KLHL14: variants seen among roughly 807,000 people sequenced by gnomAD.
The protein encoded by KLHL14 is kelch-like protein 14.
A neutral mutation model predicts 64.3 loss-of-function variants in KLHL14; 22 were observed. That is an observed-to-expected ratio of 0.34 (90% confidence interval 0.24 to 0.49). The LOEUF (loss-of-function observed/expected upper bound fraction) is 0.49, where lower values mean the gene tolerates loss of function less well. Among genes scored for constraint, KLHL14 ranks in the 20% least tolerant of loss-of-function variants. KLHL14 has a pLI of 0.99. For missense variants in KLHL14, 661 were observed against 789.0 expected, an observed-to-expected ratio of 0.84 and a Z score of 1.94; for synonymous variants, 322 against 333.4, an observed-to-expected ratio of 0.97 and a Z score of 0.37.
chr18:32,690,940 A>G (rs1215943437), intron 4 of KLHL14, among the ~76,000 whole-genome samples: 1 of 152,138 alleles, frequency 6.6e-6, no homozygotes, highest in East Asian at 1.9e-4. Context: ...ACGAGGGGGA[A>G]AGGAAGACTC....
At chr18:32,685,322 G>C (rs2144472768) in intron 5 of KLHL14, among the ~76,000 whole-genome samples, 1 of 152,230 alleles carries the variant, frequency 6.6e-6, no homozygotes, top group South Asian at 2.1e-4. Flanking sequence ...CCCATCCTTA[G>C]GGGCTCTACA....
chr18:32,769,419 G>A (rs1263986583), intron 2 of KLHL14, among the ~76,000 whole-genome samples: 1 of 152,134 alleles, frequency 6.6e-6, no homozygotes, highest in East Asian at 1.9e-4. Flanking sequence ...TAGAACCTCG[G>A]CTTTGGAGCG....
chr18:32,722,644 G>C (rs962587802), intron 3 of KLHL14, among the ~76,000 whole-genome samples: 1 of 151,940 alleles, frequency 6.6e-6, no homozygotes, highest in Non-Finnish European at 1.5e-5. Flanking sequence ...AAAATCATGG[G>C]AGAGGAAAAA....
intron 2 of KLHL14, among the ~76,000 whole-genome samples, chr18:32,767,822 A>G (rs2050354725): frequency 6.6e-6 from 1 of 152,254 alleles, no homozygotes; most frequent in Admixed American, 6.5e-5. Context: ...TACTCTTAGA[A>G]TAAGTTAAAT....
At position 32,770,303 on chromosome 18, in the gene KLHL14, G is replaced by C. The variant is rs903251586; in HGVS notation, c.289C>G (p.Gln97Glu). ...CCGGGCTCCTCCTGCGGCGGCGGCTGCTGCTGCTGTGACGGCTGCTGCTGC... is the reference window on the plus strand; with the variant it reads ...CCGGGCTCCTCCTGCGGCGGCGGCTCCTGCTGCTGTGACGGCTGCTGCTGC... The part of the protein sequence containing the change: ...PPQQQPSQQQ[Q>E]PPPQEEPGTP... Residue 97 changes from glutamine to glutamate, a missense_variant, in exon 2 of 9, where the codon CAG (glutamine) becomes GAG (glutamate). Gln to Glu is a conservative substitution (Grantham distance 29). Around this residue, in one of 2 missense-constraint regions of KLHL14, gnomAD observed 331 missense variants for 339.0 expected, o/e 0.98. Transcript: ENST00000359358. The surrounding 1 kb of genome is among the most constrained non-coding windows in gnomAD (Gnocchi z 6.7). 1.1e-5 allele frequency: 18 copies of C among 1,586,616 alleles called. No individual in the cohort carries two copies. The highest frequency in any genetic ancestry group is 1.4e-5 in the Non-Finnish European group (16 of 1,166,332).
intron 3 of KLHL14, among the ~76,000 whole-genome samples, chr18:32,741,335 G>A (rs766823848): frequency 6.6e-6 from 1 of 152,140 alleles, no homozygotes; most frequent in Non-Finnish European, 1.5e-5. Flanking sequence ...AAACACAATC[G>A]CCCTTTAGGA....
chr18:32,741,897 G>A (rs776378669), intron 3 of KLHL14, 31 bp downstream of exon 3: 18 of 1,530,144 alleles, frequency 1.2e-5, no homozygotes, highest in African/African-American at 1.4e-5. Context: ...ATAAATAGGT[G>A]AGTGAATAAA....
At chr18:32,728,479 T>C (rs1177082278) in intron 3 of KLHL14, among the ~76,000 whole-genome samples, 4 of 152,226 alleles carry the variant, frequency 2.6e-5, no homozygotes, top group South Asian at 4.1e-4. Context: ...CTTTTTCTTA[T>C]GTGTGTCATT....
rs773736442 is a variant in KLHL14, at chr18:32,769,935, C to G, written c.657G>C (p.Glu219Asp). The G allele has an allele frequency of 4.3e-6, 7 of 1,614,188 alleles. No homozygotes were observed. Among genetic ancestry groups the G allele is most frequent in the Admixed American group, 3.3e-5 (2 of 60,026 alleles). Residue 219 changes from glutamate (E) to aspartate (D), a missense_variant, in exon 2 of 9, where the codon GAG becomes GAC. Transcript: ENST00000359358. ...LVEDVLLLNF[E>D]EMRALLDSLP... ...GCGAGTCCAGCAGGGCGCGCATCTC[C>G]TCGAAGTTGAGCAGCAGCACATCCT...
In KLHL14 at chr18:32,769,904, G is replaced by T; in HGVS notation, c.688C>A (p.Pro230Thr). ...AGCGCCAGCTCCGACTCCACGGGGG[G>T]CGGCAGCGAGTCCAGCAGGGCGCGC... is the stretch of plus-strand genomic sequence containing the variant. ...EMRALLDSLPPPVESELALFQ... is the reference protein window; with the variant it reads ...EMRALLDSLPTPVESELALFQ... The change falls in exon 2 of 9, where the codon CCC becomes ACC. Residue 230 changes from proline (P) to threonine (T), a missense_variant. Physicochemically the swap from Pro to Thr is conservative, Grantham distance 38. This residue lies in a region of KLHL14 where 331 missense variants were observed against 339.0 expected (regional missense o/e 0.98). Transcript: ENST00000359358. 1 of 1,614,096 alleles carries T rather than the reference G, an allele frequency of 6.2e-7. No individual in the cohort carries two copies. Among genetic ancestry groups the T allele is most frequent in the South Asian group, 1.1e-5 (1 of 91,072 alleles).
At chr18:32,710,768 G>A (rs987488172) in intron 3 of KLHL14, among the ~76,000 whole-genome samples, 3 of 152,136 alleles carry the variant, frequency 2.0e-5, no homozygotes, top group Admixed American at 2.0e-4. Context: ...TGAAGGAAGG[G>A]TGAGAAATGG....
At chr18:32,730,815 A>T (rs1480561085) in intron 3 of KLHL14, among the ~76,000 whole-genome samples, 1 of 152,378 alleles carries the variant, frequency 6.6e-6, no homozygotes, top group East Asian at 1.9e-4. Flanking sequence ...TTCTAGCTAA[A>T]TAACTAGAAT....
intron 7 of KLHL14, among the ~76,000 whole-genome samples, chr18:32,679,147 T>C (rs2144464483): frequency 6.9e-6 from 1 of 144,854 alleles, no homozygotes; most frequent in African/African-American, 2.7e-5. Context: ...ACTAGGCTAC[T>C]GGCATTTCTG....
At chr18:32,678,837 G>C (rs925042623) in intron 7 of KLHL14, among the ~76,000 whole-genome samples, 1 of 152,084 alleles carries the variant, frequency 6.6e-6, no homozygotes, top group African/African-American at 2.4e-5. Flanking sequence ...TTTGATGTGT[G>C]CACACTATTT....
chr18:32,767,094 G>C (rs887798897), intron 2 of KLHL14, among the ~76,000 whole-genome samples: 1 of 152,060 alleles, frequency 6.6e-6, no homozygotes, highest in South Asian at 2.1e-4. Context: ...ATAAATACAA[G>C]GTCCTTCTAT....
At chr18:32,719,996 T>C (rs2050068727) in intron 3 of KLHL14, among the ~76,000 whole-genome samples, 1 of 152,238 alleles carries the variant, frequency 6.6e-6, no homozygotes, top group Non-Finnish European at 1.5e-5. Flanking sequence ...ATGTGGGCCA[T>C]GTCGTATTTG....
intron 3 of KLHL14, among the ~76,000 whole-genome samples, chr18:32,708,382 C>T (rs1451376376): frequency 1.3e-5 from 2 of 151,972 alleles, no homozygotes; most frequent in African/African-American, 4.8e-5. Flanking sequence ...CCATGTGAGG[C>T]CATTTGAAAG....
intron 3 of KLHL14, among the ~76,000 whole-genome samples, chr18:32,720,993 C>A (rs1461539599): frequency 6.6e-6 from 1 of 152,140 alleles, no homozygotes; most frequent in Non-Finnish European, 1.5e-5. Context: ...ATCCTCTTCA[C>A]GTTGGTTTCA....
chr18:32,762,538 T>C (rs1038253932), intron 2 of KLHL14, among the ~76,000 whole-genome samples: 1 of 152,140 alleles, frequency 6.6e-6, no homozygotes, highest in African/African-American at 2.4e-5. Context: ...CATAATACCT[T>C]TCTGCTTTAC....
Sources: gnomAD v4.1 joint callset for allele counts (sites outside exome capture counted in the v4.1 genomes callset) on GRCh38, gnomAD v4.1.1 for gene constraint, gnomAD v4.1.1 regional missense constraint, Gnocchi (gnomAD v3.1) non-coding constraint, MANE v1.5 for transcripts, NCBI Gene and HGNC (gene_info 2026-07-23, HGNC 2026-07-21) for gene names.